The following ALOXE3 variants were observed in gnomAD, a reference collection of about 807,000 sequenced individuals.
ALOXE3 encodes the protein arachidonate epidermal lipoxygenase 3.
Under a neutral mutation model 87.5 loss-of-function variants are expected in ALOXE3, and 78 were observed. The observed-to-expected ratio is 0.89, with a 90% CI of 0.74 to 1.08. The LOEUF is 1.08. Among genes scored for constraint, ALOXE3 ranks in the 50% least tolerant of loss-of-function variants. The pLI, the probability that ALOXE3 is intolerant of heterozygous loss-of-function variation, is 0.00. For synonymous variants in ALOXE3, 363 were observed against 370.8 expected, an observed-to-expected ratio of 0.98 and a Z score of 0.24; for missense variants, 946 against 912.4, an observed-to-expected ratio of 1.04 and a Z score of -0.47.
intron 6 of ALOXE3, 48 bp downstream of exon 6, chr17:8,114,436 T>G: frequency 6.2e-7 from 1 of 1,611,708 alleles, no homozygotes; most frequent in African/African-American, 1.3e-5. Context: ...GGGAGGGGGA[T>G]GGATGGGCAG....
Position 8,118,023 on chromosome 17 carries a change from C to T in ALOXE3, c.-33G>A. 6.2e-7 allele frequency: 1 copy of T among 1,605,472 alleles called. No homozygotes were observed. The highest frequency in any genetic ancestry group is 8.5e-7 in the Non-Finnish European group (1 of 1,178,168). ...AGGAGGAAGGGATGCCCCGGCAACG[C>T]TGGCCGCAGCAGCAGCCGGCCTGGA... On this transcript the variant is annotated 5_prime_UTR_variant, in exon 2 of 16. Transcript: ENST00000448843.
At chr17:8,109,109 G>T in intron 12 of ALOXE3, 65 bp downstream of exon 12, 1 of 1,600,782 alleles carries the variant, frequency 6.2e-7, no homozygotes, top group East Asian at 2.2e-5. Flanking sequence ...CATGAGCGCA[G>T]GGACCACAAT....
rs1438677516 is a variant in ALOXE3, at chr17:8,098,228, GTTTTTGTTT to G, written c.1957-1431_1957-1423del. Reference sequence around the variant, plus strand: ...CAGTGTTTTTTGAAATATACTTTTGGTTTTTGTTTTTTTTTTTTTTTTTTTTTTGAGACG... The same window carrying G: ...CAGTGTTTTTTGAAATATACTTTTGGTTTTTTTTTTTTTTTTTTTGAGACG... On this transcript the variant is annotated intron_variant, in intron 15 of 15. Coordinates refer to ENST00000448843, the MANE Select transcript of ALOXE3 (RefSeq NM_021628.3). 7.9e-3 allele frequency among the ~76,000 whole-genome samples: 695 copies of G among 88,118 alleles called. 7 individuals carry two copies. Among genetic ancestry groups the G allele is most frequent in the African/African-American group, 0.021 (640 of 30,304 alleles). 57.8% of individuals were successfully genotyped at this position (88,118 alleles called of 152,430 possible). A position where few individuals can be genotyped will look rare whatever the true frequency, so the allele number is the denominator to read the frequency against.
chr17:8,107,681 C>A (rs1415033176), intron 13 of ALOXE3, among the ~76,000 whole-genome samples: 1 of 151,196 alleles, frequency 6.6e-6, no homozygotes, highest in African/African-American at 2.4e-5. Flanking sequence ...TGCCTGTAGT[C>A]CCAGCTACTC....
intron 15 of ALOXE3, among the ~76,000 whole-genome samples, chr17:8,099,810 CTA>C (rs1375048660): frequency 6.6e-6 from 1 of 152,044 alleles, no homozygotes; most frequent in East Asian, 1.9e-4. Flanking sequence ...TGGCTCACAC[CTA>C]TAATCCCAGC....
In ALOXE3 at chr17:8,118,269, G is replaced by C. The variant is rs1334013795; in HGVS notation, c.-279C>G. On this transcript the variant is annotated 5_prime_UTR_variant, in exon 2 of 16. Transcript: ENST00000448843. ...CTGACACAGCCGGTCCCTCTGGCTG[G>C]CTCACCCAGATGGATATCAGGAGCC... The C allele has an allele frequency of 1.9e-6, 3 of 1,551,582 alleles. No individual in the cohort carries two copies. Among genetic ancestry groups the C allele is most frequent in the African/African-American group, 1.4e-5 (1 of 73,044 alleles).
chr17:8,106,703 G>A (rs1275120158), intron 13 of ALOXE3, among the ~76,000 whole-genome samples: 1 of 152,188 alleles, frequency 6.6e-6, no homozygotes, highest in Non-Finnish European at 1.5e-5. Flanking sequence ...GTGTGCGACT[G>A]TAGTCCCAGC....
At chr17:8,110,354 C>A in intron 9 of ALOXE3, 31 bp downstream of exon 9, 1 of 1,606,528 alleles carries the variant, frequency 6.2e-7, no homozygotes, top group Non-Finnish European at 8.5e-7. Context: ...GCACCTGAGC[C>A]CCCATCCCGG....
At chr17:8,108,906 C>T (rs1217663475) in intron 12 of ALOXE3, among the ~76,000 whole-genome samples, 1 of 152,148 alleles carries the variant, frequency 6.6e-6, no homozygotes, top group Non-Finnish European at 1.5e-5. Flanking sequence ...AGGCCCCAGC[C>T]CATGCTTAAA....
At chr17:8,098,991 C>T (rs1346264109) in intron 15 of ALOXE3, among the ~76,000 whole-genome samples, 1 of 151,472 alleles carries the variant, frequency 6.6e-6, no homozygotes, top group Non-Finnish European at 1.5e-5. Flanking sequence ...GCTGGGATCA[C>T]AGCCATACGC....
Position 8,117,979 on chromosome 17 carries a change from G to T in ALOXE3, c.12C>A (p.Tyr4Ter). 6.2e-7 allele frequency: 1 copy of T among 1,611,374 alleles called. No homozygotes were observed. The highest frequency in any genetic ancestry group is 8.5e-7 in the Non-Finnish European group (1 of 1,179,704). Residue 4 changes from tyrosine to a stop codon, truncating the protein, a stop_gained, in exon 2 of 16, where the codon TAC becomes TAA. Coordinates refer to ENST00000448843, the MANE Select transcript of ALOXE3 (RefSeq NM_021628.3). LOFTEE classifies it high-confidence loss of function. ...AGGGACCAGTGGTCACACACAGGCG[G>T]TACACTGCCATGATGGGAAGGAGGA... MAV[Y>*]RLCVTTGPYL...
chr17:8,105,206 G>A (rs568853419), intron 13 of ALOXE3, among the ~76,000 whole-genome samples: 4 of 152,306 alleles, frequency 2.6e-5, no homozygotes, highest in African/African-American at 9.6e-5. Flanking sequence ...CTTCCTGGCT[G>A]TTCACTTATT....
intron 13 of ALOXE3, among the ~76,000 whole-genome samples, chr17:8,106,828 A>G (rs1979349783): frequency 6.6e-6 from 1 of 152,252 alleles, no homozygotes. Context: ...ACTCATTGAA[A>G]GAGCTGTTGT....
intron 14 of ALOXE3, 23 bp from the exon 15 acceptor site, chr17:8,103,516 T>TG: frequency 6.2e-7 from 1 of 1,613,216 alleles, no homozygotes; most frequent in Non-Finnish European, 8.5e-7. Flanking sequence ...CCATCCCAGT[T>TG]GGGTCAGTTG....
At chr17:8,115,093 G>C in intron 4 of ALOXE3, 36 bp from the exon 5 acceptor site, 1 of 1,613,610 alleles carries the variant, frequency 6.2e-7, no homozygotes, top group Non-Finnish European at 8.5e-7. Context: ...GGCAGGTCAT[G>C]CTCGGGATAA....
intron 15 of ALOXE3, among the ~76,000 whole-genome samples, chr17:8,102,789 C>G (rs1234695605): frequency 1.3e-5 from 2 of 152,206 alleles, no homozygotes; most frequent in African/African-American, 4.8e-5. Flanking sequence ...CCTGTCCTTA[C>G]CCCTATCACT....
At position 8,110,229 on chromosome 17, in the gene ALOXE3, G is replaced by A. The variant is rs1425508294; in HGVS notation, c.1168C>T (p.Leu390=). ...GAGTTGCGCACCCACGTCTTGGCCA[G>A]CAGCCAGTCCCATTCGGAGTCAGTG... ...LPTDSEWDWL[L]AKTWVRNSEF... Residue 390 remains leucine (L), a synonymous_variant, in exon 10 of 16, where the codon CTG becomes TTG. Transcript: ENST00000448843. 2 of 1,614,092 alleles carry A rather than the reference G, an allele frequency of 1.2e-6. No individual in the cohort carries two copies.
chr17:8,110,730 T>A (rs974969959), intron 8 of ALOXE3, among the ~76,000 whole-genome samples: 2 of 152,198 alleles, frequency 1.3e-5, no homozygotes, highest in Non-Finnish European at 2.9e-5. Context: ...GAGTCCCTCC[T>A]TGTGCAACAG....
At chr17:8,105,533 T>C (rs1017008937) in intron 13 of ALOXE3, among the ~76,000 whole-genome samples, 1 of 152,184 alleles carries the variant, frequency 6.6e-6, no homozygotes, top group African/African-American at 2.4e-5. Flanking sequence ...TAAGCTCAAC[T>C]AAGGCCAGAA....
Sources: gnomAD v4.1 joint callset for allele counts (sites outside exome capture counted in the v4.1 genomes callset) on GRCh38, gnomAD v4.1.1 for gene constraint, MANE v1.5 for transcripts, NCBI Gene and HGNC (gene_info 2026-07-23, HGNC 2026-07-21) for gene names.